Variants in MYG1 observed in about 807,000 individuals in gnomAD.
The protein encoded by MYG1 is MYG1 exonuclease.
Under a neutral mutation model 43.5 loss-of-function variants are expected in MYG1, and 36 were observed. The ratio of observed to expected loss-of-function variants is 0.83; its 90% CI spans 0.63 to 1.09. The LOEUF (loss-of-function observed/expected upper bound fraction) is 1.09. Ranked by LOEUF, MYG1 falls within the 50% of genes least tolerant of loss-of-function variation. MYG1 has a pLI of 0.00. For missense variants in MYG1, 529 were observed against 495.1 expected (o/e 1.07, Z -0.65); for synonymous variants, 220 against 202.8 (o/e 1.08, Z -0.72).
At position 53,307,052 on chromosome 12, in the gene MYG1, C is replaced by T; in HGVS notation, c.1034C>T (p.Ala345Val). 6.2e-7 allele frequency: 1 copy of T among 1,614,240 alleles called. No homozygotes were observed. Among genetic ancestry groups the T allele is most frequent in the South Asian group, 1.1e-5 (1 of 91,088 alleles). Reference sequence around the variant, plus strand: ...ATCCCTGGCTGCATCTTCGTCCATGCAAGCGGCTTCACTGGCGGTCACCAC... The same window carrying T: ...ATCCCTGGCTGCATCTTCGTCCATGTAAGCGGCTTCACTGGCGGTCACCAC... ...SGIPGCIFVH[A>V]SGFTGGHHTR... Residue 345 changes from alanine (A) to valine (V), a missense_variant, in exon 7 of 7, where the codon GCA (alanine) becomes GTA (valine). Physicochemically the swap from Ala to Val is moderately conservative, Grantham distance 64. Coordinates refer to ENST00000267103, the MANE Select transcript of MYG1 (RefSeq NM_021640.4).
Position 53,303,031 on chromosome 12 carries a change from C to T in MYG1, c.330-3C>T, listed in dbSNP as rs1289377159. The T allele has an allele frequency of 1.9e-6, 3 of 1,607,426 alleles. No homozygotes were observed. The highest frequency in any genetic ancestry group is 2.6e-6 in the Non-Finnish European group (3 of 1,175,596). ...CTCAGCCCCACCTCCCTATGCTCCT[C>T]AGGTCTTTCACAGAGACCATGAGCT... On this transcript the variant is annotated splice_region_variant and splice_polypyrimidine_tract_variant and intron_variant, in intron 2 of 6. Transcript: ENST00000267103.
chr12:53,305,053 A>G (rs1239233461), intron 3 of MYG1, among the ~76,000 whole-genome samples: 1 of 151,500 alleles, frequency 6.6e-6, no homozygotes, highest in Non-Finnish European at 1.5e-5. Context: ...TATTTTTAGT[A>G]GAGACGGGGT....
rs777711339 is a variant in MYG1, at chr12:53,303,063, C to T, written c.359C>T (p.Ser120Phe). The T allele has an allele frequency of 3.7e-6, 6 of 1,613,566 alleles. No individual in the cohort carries two copies. Among genetic ancestry groups the T allele is most frequent in the Non-Finnish European group, 5.1e-6 (6 of 1,179,666 alleles). Reference sequence around the variant, plus strand: ...TTCACAGAGACCATGAGCTCCCTGTCCCCTGGGAAGCCGTGGCAGACCAAG... The same window carrying T: ...TTCACAGAGACCATGAGCTCCCTGTTCCCTGGGAAGCCGTGGCAGACCAAG... ...RSFTETMSSL[S>F]PGKPWQTKLS... Residue 120 changes from serine (S) to phenylalanine (F), a missense_variant, in exon 3 of 7, where the codon TCC becomes TTC. Transcript: ENST00000267103.
intron 3 of MYG1, among the ~76,000 whole-genome samples, chr12:53,304,323 T>G (rs1373748246): frequency 6.6e-6 from 1 of 152,010 alleles, no homozygotes; most frequent in Non-Finnish European, 1.5e-5. Context: ...TCTTGCTCTG[T>G]CATCCAGGCT....
At position 53,299,758 on chromosome 12, in the gene MYG1, C is replaced by T. The variant is rs1469091175; in HGVS notation, c.21C>T (p.Arg7=). Residue 7 remains arginine (R), a synonymous_variant, in exon 1 of 7, where the codon CGC becomes CGT. Coordinates refer to ENST00000267103, the MANE Select transcript of MYG1 (RefSeq NM_021640.4). The stretch of plus-strand genomic sequence containing the variant: ...TGCTTATGGGACACCAATTCCTGCG[C>T]GGCCTCTTAACGCTGCTGCTGCCGC... MGHQFL[R]GLLTLLLPPP... The T allele has an allele frequency of 3.7e-6, 6 of 1,613,534 alleles. No individual in the cohort carries two copies. The African/African-American group carries it at 4.0e-5, about 11-fold the overall frequency.
intron 3 of MYG1, among the ~76,000 whole-genome samples, chr12:53,304,017 G>C (rs540082417): frequency 8.4e-4 from 127 of 151,884 alleles, no homozygotes; most frequent in African/African-American, 2.7e-3. Context: ...CTAATTTTTT[G>C]TATTTTTAGT....
At chr12:53,300,320 C>A in intron 2 of MYG1, 58 bp downstream of exon 2, 4 of 1,308,542 alleles carry the variant, frequency 3.1e-6, no homozygotes, top group African/African-American at 1.5e-5. Flanking sequence ...CTCTGTGCTC[C>A]AATTCAGCCA....
chr12:53,305,777 T>C, intron 3 of MYG1, 131 bp from the exon 4 acceptor site: 1 of 1,233,410 alleles, frequency 8.1e-7, no homozygotes, highest in Non-Finnish European at 1.1e-6. Flanking sequence ...CAATTCTCCC[T>C]TTTCTCATCC....
At chr12:53,302,170 CAG>C (rs1465675876) in intron 2 of MYG1, among the ~76,000 whole-genome samples, 1 of 152,120 alleles carries the variant, frequency 6.6e-6, no homozygotes, top group Non-Finnish European at 1.5e-5. Context: ...TTAGTAGAAA[CAG>C]AGTTTCAGCA....
At position 53,302,723 on chromosome 12, in the gene MYG1, A is replaced by G. The variant is rs559080243; in HGVS notation, c.330-311A>G. 8.6e-5 allele frequency among the ~76,000 whole-genome samples: 13 copies of G among 151,272 alleles called. No homozygotes were observed. The South Asian group carries it at 2.5e-3, about 29-fold the overall frequency. On this transcript the variant is annotated intron_variant, in intron 2 of 6. Coordinates refer to ENST00000267103, the MANE Select transcript of MYG1 (RefSeq NM_021640.4). ...CTGCTTGGAATGCTTTTTCTCTTTCACCCCTTGTCTATCTGGTGGACACCC... is the reference window on the plus strand; with the variant it reads ...CTGCTTGGAATGCTTTTTCTCTTTCGCCCCTTGTCTATCTGGTGGACACCC...
At chr12:53,305,849 G>C in intron 3 of MYG1, 59 bp from the exon 4 acceptor site, 1 of 1,530,584 alleles carries the variant, frequency 6.5e-7, no homozygotes, top group Non-Finnish European at 8.8e-7. Flanking sequence ...TTTGAATCAT[G>C]TAAGATTTCA....
In MYG1 at chr12:53,306,057, T is replaced by A. The variant is rs1286122816; in HGVS notation, c.639T>A (p.Thr213=). The A allele has an allele frequency of 6.2e-7, 1 of 1,612,062 alleles. No homozygotes were observed. The highest frequency in any genetic ancestry group is 8.5e-7 in the Non-Finnish European group (1 of 1,179,116). Residue 213 remains threonine (T), a synonymous_variant, in exon 4 of 7, where the codon ACT becomes ACA. Transcript: ENST00000267103. ...CCTGGAACCACCCCGACCAAGACAC[T>A]GAGGTAAGGTGGCCTGGGAGGAGAC... is the stretch of plus-strand genomic sequence containing the variant. ...NPTWNHPDQD[T]EAGFKRAMDL... is the part of the protein sequence containing the mutation.
In MYG1 at chr12:53,299,915, C is replaced by T; in HGVS notation, c.178C>T (p.Leu60=). The T allele has an allele frequency of 5.0e-6, 8 of 1,614,220 alleles. No individual in the cohort carries two copies. Among genetic ancestry groups the T allele is most frequent in the Non-Finnish European group, 6.8e-6 (8 of 1,180,040 alleles). The change falls in exon 1 of 7, where the codon CTG becomes TTG. Residue 60 remains leucine, a synonymous_variant. Transcript: ENST00000267103. Reference sequence around the variant, plus strand: ...TGGCACCTTCCACTGCGACGAGGCACTGGCATGCGCACTGCTTCGCCTCCT... The same window carrying T: ...TGGCACCTTCCACTGCGACGAGGCATTGGCATGCGCACTGCTTCGCCTCCT... ...HNGTFHCDEA[L]ACALLRLLPE...
At chr12:53,304,859 A>ATTT (rs1944259027) in intron 3 of MYG1, among the ~76,000 whole-genome samples, 2 of 107,998 alleles carry the variant, frequency 1.9e-5, no homozygotes, top group Non-Finnish European at 3.6e-5. Context: ...GCCTAAACCC[A>ATTT]TGTTTTTTTT....
chr12:53,302,987 T>C (rs1383775642), intron 2 of MYG1, 47 bp from the exon 3 acceptor site: 1 of 1,530,364 alleles, frequency 6.5e-7, no homozygotes, highest in South Asian at 1.2e-5. Context: ...GCATGGAGAC[T>C]CTAGCCAAGG....
At chr12:53,304,308 C>T (rs1420600486) in intron 3 of MYG1, among the ~76,000 whole-genome samples, 5 of 151,324 alleles carry the variant, frequency 3.3e-5, no homozygotes, top group Admixed American at 2.0e-4. Context: ...TTTTTTGAGA[C>T]GGGGTCTTGC....
At chr12:53,301,981 T>G (rs931708249) in intron 2 of MYG1, among the ~76,000 whole-genome samples, 3 of 151,718 alleles carry the variant, frequency 2.0e-5, no homozygotes, top group Admixed American at 1.3e-4. Flanking sequence ...CCAGCCTCAT[T>G]TTTTTTATTT....
intron 4 of MYG1, 66 bp from the exon 5 acceptor site, chr12:53,306,132 C>T (rs772610649): frequency 2.5e-6 from 4 of 1,606,892 alleles, no homozygotes; most frequent in Non-Finnish European, 3.4e-6. Flanking sequence ...AGCATTTGCT[C>T]CTCCTAAGCC....
rs747388737 is a variant in MYG1 at position 53,299,712 on chromosome 12, T to C, written c.-26T>C. On this transcript the variant is annotated 5_prime_UTR_variant, in exon 1 of 7. Transcript: ENST00000267103. ...GGCGCTTCCTCTTCCGGGTCGGCGC[T>C]CCTGCCTCCCTGCAGGGAGCTGCTT... is the stretch of plus-strand genomic sequence containing the variant. The C allele has an allele frequency of 4.4e-6, 7 of 1,590,752 alleles. No individual in the cohort carries two copies. The highest frequency in any genetic ancestry group is 6.0e-6 in the Non-Finnish European group (7 of 1,167,350).
Sources: gnomAD v4.1 joint callset for allele counts (sites outside exome capture counted in the v4.1 genomes callset) on GRCh38, gnomAD v4.1.1 for gene constraint, MANE v1.5 for transcripts, NCBI Gene and HGNC (gene_info 2026-07-23, HGNC 2026-07-21) for gene names.